SPTB: variants seen among roughly 807,000 people sequenced by gnomAD.
The protein encoded by SPTB is spectrin beta, erythrocytic, also known as spectrin beta chain, erythrocytic.
In SPTB, 45 loss-of-function variants were observed where a neutral mutation model predicts 256.2. That is an observed-to-expected ratio of 0.18 (90% CI 0.14 to 0.23). The LOEUF is 0.23. Among genes scored for constraint, SPTB ranks in the 10% least tolerant of loss-of-function variants. The probability of loss-of-function intolerance (pLI) is 1.00; values close to 1 mark genes in which losing one functional copy is unlikely to be tolerated. For synonymous variants in SPTB, 1,231 were observed against 1,243.1 expected (o/e 0.99, Z 0.21); for missense variants, 2,715 against 3,040.4 (o/e 0.89, Z 2.52).
chr14:64,786,884 C>T lies in SPTB; in HGVS notation c.3081G>A (p.Glu1027=). The change falls in exon 16 of 36, where the codon GAG becomes GAA. Residue 1027 remains glutamate, a synonymous_variant. Coordinates refer to ENST00000644917, the MANE Select transcript of SPTB (RefSeq NM_001355436.2). This position sits in a 1 kb window ranked among gnomAD's most constrained non-coding sequence, Gnocchi z 5.6. ...GCCGCTGACCAATATCCTCCTTCTG[C>T]TCAGGGTGCGAGTCCATCAGCTGCT... The part of the protein sequence containing the change: ...ESQQLMDSHP[E]QKEDIGQRQK... The T allele has an allele frequency of 6.2e-7, 1 of 1,612,992 alleles. No individual in the cohort carries two copies.
intron 1 of SPTB, among the ~76,000 whole-genome samples, chr14:64,859,820 G>A (rs2083935960): frequency 6.6e-6 from 1 of 152,054 alleles, no homozygotes; most frequent in Admixed American, 6.6e-5. Context: ...GCTAAGAAAG[G>A]TGGATGATGA....
rs2081983041 is a variant in SPTB at position 64,753,683 on chromosome 14, G to A, written c.6456C>T (p.Leu2152=). 1 of 1,613,782 alleles carries A rather than the reference G, an allele frequency of 6.2e-7. No individual in the cohort carries two copies. The highest frequency in any genetic ancestry group is 8.5e-7 in the Non-Finnish European group (1 of 1,180,034). ...TGDERPTTEP[L]FKVLDTPLSE... ...TCAGAGGCGTATCTAGGACCTTAAA[G>A]AGGGGCTCCGTGGTGGGCCTCTCAT... Residue 2152 remains leucine (L), a synonymous_variant, in exon 33 of 36, where the codon CTC becomes CTT. Transcript: ENST00000644917.
intron 1 of SPTB, among the ~76,000 whole-genome samples, chr14:64,849,008 C>CT (rs2139771138): frequency 6.6e-6 from 1 of 152,286 alleles, no homozygotes; most frequent in East Asian, 1.9e-4. Flanking sequence ...TTATTTGCAA[C>CT]TATTCTCCCC....
chr14:64,799,733 G>A lies in SPTB; in HGVS notation c.1064+14C>T, dbSNP rs757068258. 2.6e-5 allele frequency: 42 copies of A among 1,613,806 alleles called. No homozygotes were observed. The highest frequency in any genetic ancestry group is 3.6e-5 in the Non-Finnish European group (42 of 1,180,012). On this transcript the variant is annotated intron_variant, in intron 9 of 35. Coordinates refer to ENST00000644917, the MANE Select transcript of SPTB (RefSeq NM_001355436.2). ...GCCACTGAGGACCACCCTCCCATGTGCCAGGGCCCTTACTTGGGCGGCTTC... is the reference window on the plus strand; with the variant it reads ...GCCACTGAGGACCACCCTCCCATGTACCAGGGCCCTTACTTGGGCGGCTTC...
rs1328766457 is a variant in SPTB, at chr14:64,793,788, C to T, written c.1875G>A (p.Met625Ile). Reference protein sequence around the residue: ...LEQCFEELSNMAAGRKAQLEQ... With the variant: ...LEQCFEELSNIAAGRKAQLEQ... ...CCAGTTGGGCCTTCCGCCCAGCTGC[C>T]ATGTTGCTCAGCTCCTCAAAGCACT... The change falls in exon 14 of 36, where the codon ATG (methionine) becomes ATA (isoleucine). Residue 625 changes from methionine (M) to isoleucine (I), a missense_variant. Coordinates refer to ENST00000644917, the MANE Select transcript of SPTB (RefSeq NM_001355436.2). The surrounding 1 kb of genome is among the most constrained non-coding windows in gnomAD (Gnocchi z 7.0). 1.2e-6 allele frequency: 2 copies of T among 1,613,702 alleles called. No homozygotes were observed. The highest frequency in any genetic ancestry group is 2.7e-5 in the African/African-American group (2 of 74,924).
intron 2 of SPTB, among the ~76,000 whole-genome samples, chr14:64,822,620 G>A (rs112151017): frequency 9.2e-5 from 14 of 152,154 alleles, no homozygotes; most frequent in Non-Finnish European, 1.5e-4. Context: ...CTGTGAACCT[G>A]CGCCCGGCTG....
At chr14:64,842,596 G>C (rs1444674527) in intron 1 of SPTB, among the ~76,000 whole-genome samples, 2 of 152,200 alleles carry the variant, frequency 1.3e-5, no homozygotes, top group Non-Finnish European at 2.9e-5. Flanking sequence ...ATGAGATAAT[G>C]TATTTAAAGT....
chr14:64,857,341 G>C (rs1043885657), intron 1 of SPTB, among the ~76,000 whole-genome samples: 10 of 152,022 alleles, frequency 6.6e-5, no homozygotes, highest in Admixed American at 1.3e-4. Context: ...CTGACACTTT[G>C]GGAGGCCGAG....
intron 2 of SPTB, among the ~76,000 whole-genome samples, chr14:64,810,831 T>G (rs919678691): frequency 2.0e-5 from 3 of 152,226 alleles, no homozygotes; most frequent in Non-Finnish European, 4.4e-5. Context: ...AATGTTTGTG[T>G]TGGACCAGGC....
intron 1 of SPTB, among the ~76,000 whole-genome samples, chr14:64,877,854 T>C (rs1301593461): frequency 6.6e-6 from 1 of 152,242 alleles, no homozygotes; most frequent in Non-Finnish European, 1.5e-5. Context: ...GCTCCTGTCA[T>C]ACCTTCACCC....
intron 2 of SPTB, among the ~76,000 whole-genome samples, chr14:64,810,344 T>A (rs966806318): frequency 3.3e-5 from 5 of 152,138 alleles, no homozygotes; most frequent in African/African-American, 9.7e-5. Flanking sequence ...ATAAATTTCA[T>A]GTGGGTCAAA....
chr14:64,812,887 C>G (rs2083117807), intron 2 of SPTB, among the ~76,000 whole-genome samples: 1 of 152,150 alleles, frequency 6.6e-6, no homozygotes, highest in African/African-American at 2.4e-5. Context: ...GTGCCTCTCC[C>G]TCCTTTTCTG....
At chr14:64,765,449 C>T (rs1240435481) in intron 32 of SPTB, among the ~76,000 whole-genome samples, 1 of 152,130 alleles carries the variant, frequency 6.6e-6, no homozygotes, top group Non-Finnish European at 1.5e-5. Flanking sequence ...GGGCCTGCTC[C>T]AGGTAAGGTC....
intron 19 of SPTB, among the ~76,000 whole-genome samples, chr14:64,783,573 A>T (rs2082511487): frequency 6.6e-6 from 1 of 152,174 alleles, no homozygotes; most frequent in Non-Finnish European, 1.5e-5. Context: ...GTCTTTAAGC[A>T]TTTAGTGCTC....
At chr14:64,789,738 G>A (rs1221279336) in intron 15 of SPTB, among the ~76,000 whole-genome samples, 1 of 152,194 alleles carries the variant, frequency 6.6e-6, no homozygotes, top group Non-Finnish European at 1.5e-5. Flanking sequence ...AGTCCTTGGG[G>A]ACAAAAATAA....
rs2083165018 is a variant in SPTB, at chr14:64,815,052, T to TG, written c.148+7894dup. Among the ~76,000 whole-genome samples the TG allele has an allele frequency of 2.9e-5, 4 of 136,674 alleles. No homozygotes were observed. The South Asian group carries it at 9.8e-4, about 34-fold the overall frequency. The allele number at this position is 136,674 out of a possible 152,430, so 89.7% of individuals were successfully genotyped here. A position where few individuals can be genotyped will look rare whatever the true frequency, so the allele number is the denominator to read the frequency against. ...TGTGCATGTAAGCAGGTTTTGGGAG[T>TG]GGGGGTGAGAAGCAGTGAATTTATC... On this transcript the variant is annotated intron_variant, in intron 2 of 35. Coordinates refer to ENST00000644917, the MANE Select transcript of SPTB (RefSeq NM_001355436.2).
In SPTB at chr14:64,769,077, C is replaced by T. The variant is rs1328753398; in HGVS notation, c.5979G>A (p.Glu1993=). Residue 1993 remains glutamate, a synonymous_variant, in exon 29 of 36, where the codon GAG becomes GAA. Coordinates refer to ENST00000644917, the MANE Select transcript of SPTB (RefSeq NM_001355436.2). ...KLQQVMSRRK[E]MNEKWEARWE... is the part of the protein sequence containing the mutation. ...AGCGGGCTTCCCACTTCTCATTCAT[C>T]TCTTTCCTCCTGGACATCACCTGCT... 1.9e-6 allele frequency: 3 copies of T among 1,613,852 alleles called. No homozygotes were observed. Among genetic ancestry groups the T allele is most frequent in the Non-Finnish European group, 2.5e-6 (3 of 1,180,032 alleles).
At position 64,825,881 on chromosome 14, in the gene SPTB, C is replaced by T. The variant is rs1169772707; in HGVS notation, c.-51-2736G>A. 2.6e-5 allele frequency among the ~76,000 whole-genome samples: 4 copies of T among 152,228 alleles called. No homozygotes were observed. Among genetic ancestry groups the T allele is most frequent in the African/African-American group, 7.2e-5 (3 of 41,450 alleles). On this transcript the variant is annotated intron_variant, in intron 1 of 35. Coordinates refer to ENST00000644917, the MANE Select transcript of SPTB (RefSeq NM_001355436.2). The surrounding 1 kb of genome is among the most constrained non-coding windows in gnomAD (Gnocchi z 4.8). ...CATCCTGCTTAAAAATGCCATCCCTCCTGTGGCCATGGCTCAGAGAAGGCA... is the reference window on the plus strand; with the variant it reads ...CATCCTGCTTAAAAATGCCATCCCTTCTGTGGCCATGGCTCAGAGAAGGCA...
chr14:64,773,475 A>G (rs754461296), intron 24 of SPTB, 51 bp from the exon 25 acceptor site: 1 of 1,595,898 alleles, frequency 6.3e-7, no homozygotes, highest in Non-Finnish European at 8.5e-7. Flanking sequence ...ACGAACCCAG[A>G]GCCGTGGCTC....
Sources: gnomAD v4.1 joint callset for allele counts (sites outside exome capture counted in the v4.1 genomes callset) on GRCh38, gnomAD v4.1.1 for gene constraint, Gnocchi (gnomAD v3.1) non-coding constraint, MANE v1.5 for transcripts, NCBI Gene and HGNC (gene_info 2026-07-23, HGNC 2026-07-21) for gene names.